The following NELL1 variants were observed in gnomAD, a reference collection of about 807,000 sequenced individuals.
The protein encoded by NELL1 is neural EGFL like 1, also known as protein kinase C-binding protein NELL1.
In NELL1, 76 loss-of-function variants were observed where a neutral mutation model predicts 107.4. The observed-to-expected ratio is 0.71, with a 90% CI of 0.59 to 0.86. The LOEUF (loss-of-function observed/expected upper bound fraction) is 0.86. NELL1 is among the 40% of genes least tolerant of loss of function. The pLI, the probability that NELL1 is intolerant of heterozygous loss-of-function variation, is 0.00. For missense variants in NELL1, 1,024 were observed against 1,005.5 expected (o/e 1.02, Z -0.25); for synonymous variants, 353 against 341.2 (o/e 1.03, Z -0.38).
chr11:21,512,512 T>C (rs1855461769), intron 15 of NELL1, among the ~76,000 whole-genome samples: 1 of 152,266 alleles, frequency 6.6e-6, no homozygotes, highest in Admixed American at 6.5e-5. Flanking sequence ...TGTAATTATA[T>C]ATGTGCTTGT....
At chr11:21,220,413 A>G (rs1056565861) in intron 13 of NELL1, among the ~76,000 whole-genome samples, 1 of 152,154 alleles carries the variant, frequency 6.6e-6, no homozygotes, top group Admixed American at 6.5e-5. Flanking sequence ...TGATATTGAT[A>G]TCAACATGTC....
At chr11:21,271,563 A>G (rs1218718650) in intron 14 of NELL1, among the ~76,000 whole-genome samples, 2 of 152,246 alleles carry the variant, frequency 1.3e-5, no homozygotes, top group African/African-American at 2.4e-5. Flanking sequence ...AAGAAATTAT[A>G]CAAATTCTCC....
chr11:21,144,806 G>A lies in NELL1; in HGVS notation c.1426+31092G>A, dbSNP rs1053112352. On this transcript the variant is annotated intron_variant, in intron 13 of 19. Transcript: ENST00000357134. ...TATGCTGTAATTGGAGATCCAGGGA[G>A]AGAAAGGCTGACAGACTCTGAAACC... is the stretch of plus-strand genomic sequence containing the variant. Among the ~76,000 whole-genome samples the A allele has an allele frequency of 2.6e-5, 4 of 152,306 alleles. No homozygotes were observed. The East Asian group carries it at 5.8e-4, about 22-fold the overall frequency.
intron 13 of NELL1, among the ~76,000 whole-genome samples, chr11:21,129,392 G>A (rs1042609542): frequency 6.6e-6 from 1 of 152,084 alleles, no homozygotes; most frequent in African/African-American, 2.4e-5. Context: ...TAAATGATCT[G>A]GCGATTCCAC....
rs16907362 is a variant in NELL1 at position 21,048,649 on chromosome 11, G to A, written c.1301-64940G>A. On this transcript the variant is annotated intron_variant, in intron 12 of 19. Transcript: ENST00000357134. ...CAAAGATGATTCTTGCTTTCCGGGGGCTATGCAAACCACAGGGAGACAGCC... is the reference window on the plus strand; with the variant it reads ...CAAAGATGATTCTTGCTTTCCGGGGACTATGCAAACCACAGGGAGACAGCC... Among the ~76,000 whole-genome samples the A allele has an allele frequency of 4.0e-3, 614 of 152,188 alleles. 4 individuals carry two copies. Among genetic ancestry groups the A allele is most frequent in the African/African-American group, 0.014 (577 of 41,512 alleles).
intron 15 of NELL1, among the ~76,000 whole-genome samples, chr11:21,406,478 TTAAC>T (rs1288806260): frequency 1.3e-5 from 2 of 152,042 alleles, no homozygotes; most frequent in Admixed American, 6.6e-5. Context: ...GTGCTTTACC[TTAAC>T]TTTCAATCTC....
At chr11:20,953,175 G>C (rs1249238625) in intron 11 of NELL1, among the ~76,000 whole-genome samples, 1 of 152,134 alleles carries the variant, frequency 6.6e-6, no homozygotes, top group Non-Finnish European at 1.5e-5. Flanking sequence ...TTCAAGGTTG[G>C]GTAAGCAGTA....
chr11:21,514,948 G>A (rs988954836), intron 15 of NELL1, among the ~76,000 whole-genome samples: 1 of 152,202 alleles, frequency 6.6e-6, no homozygotes, highest in Non-Finnish European at 1.5e-5. Flanking sequence ...TCACAGCGAT[G>A]GCAATGGGTG....
chr11:21,211,180 A>G (rs1050888962), intron 13 of NELL1, among the ~76,000 whole-genome samples: 2 of 152,190 alleles, frequency 1.3e-5, no homozygotes, highest in Non-Finnish European at 2.9e-5. Flanking sequence ...TTATATAAGA[A>G]TGTTACAGGG....
At chr11:21,163,028 T>C (rs1856406197) in intron 13 of NELL1, among the ~76,000 whole-genome samples, 1 of 152,194 alleles carries the variant, frequency 6.6e-6, no homozygotes, top group Admixed American at 6.5e-5. Context: ...ATTAAACCTG[T>C]CTATGAGACT....
chr11:21,375,259 A>T (rs191058924), intron 15 of NELL1, among the ~76,000 whole-genome samples: 1 of 151,958 alleles, frequency 6.6e-6, no homozygotes, highest in African/African-American at 2.4e-5. Flanking sequence ...TTATGTCCAT[A>T]TTTACCTAAT....
At chr11:21,370,077 A>G (rs911004851) in intron 14 of NELL1, among the ~76,000 whole-genome samples, 3 of 150,912 alleles carry the variant, frequency 2.0e-5, no homozygotes, top group East Asian at 1.9e-4. Context: ...TGTATTTACT[A>G]TTGCAATGGA....
chr11:21,347,492 C>G (rs1305343835), intron 14 of NELL1, among the ~76,000 whole-genome samples: 1 of 152,008 alleles, frequency 6.6e-6, no homozygotes, highest in Non-Finnish European at 1.5e-5. Context: ...ATCCCAGCTA[C>G]CTGGGAGGCT....
intron 15 of NELL1, among the ~76,000 whole-genome samples, chr11:21,530,753 A>G (rs1855972864): frequency 6.6e-6 from 1 of 152,100 alleles, no homozygotes. Context: ...TGTAAATATT[A>G]AATTTACTTT....
intron 16 of NELL1, among the ~76,000 whole-genome samples, chr11:21,550,980 A>C (rs949732606): frequency 1.3e-5 from 2 of 150,924 alleles, no homozygotes; most frequent in African/African-American, 4.9e-5. Flanking sequence ...TGAGCATGGA[A>C]TGTTCTTCCA....
intron 3 of NELL1, among the ~76,000 whole-genome samples, chr11:20,828,329 T>A (rs969830128): frequency 1.3e-5 from 2 of 152,002 alleles, no homozygotes; most frequent in Admixed American, 6.6e-5. Context: ...ATCTTGTTAA[T>A]CTTGCATGTT....
intron 13 of NELL1, among the ~76,000 whole-genome samples, chr11:21,141,373 C>A (rs1855863594): frequency 6.6e-6 from 1 of 152,184 alleles, no homozygotes; most frequent in African/African-American, 2.4e-5. Flanking sequence ...TGGAAGATTT[C>A]TTTGGCAATC....
At chr11:20,735,562 T>C (rs2133927367) in intron 2 of NELL1, among the ~76,000 whole-genome samples, 1 of 152,224 alleles carries the variant, frequency 6.6e-6, no homozygotes, top group Admixed American at 6.5e-5. Flanking sequence ...TCCTACAATA[T>C]GTGGGGATTA....
chr11:21,342,386 A>C (rs2133705001), intron 14 of NELL1, among the ~76,000 whole-genome samples: 2 of 134,314 alleles, frequency 1.5e-5, no homozygotes, highest in South Asian at 2.6e-4. Flanking sequence ...TGTGCCTGTA[A>C]TCCCAGTGCT....
Sources: allele counts gnomAD v4.1 joint callset (sites outside exome capture counted in the v4.1 genomes callset), GRCh38; gene constraint gnomAD v4.1.1; transcripts MANE v1.5; gene names NCBI Gene and HGNC (gene_info 2026-07-23, HGNC 2026-07-21).